Variants in EEFSEC observed in about 807,000 individuals in gnomAD.
EEFSEC encodes the protein eukaryotic elongation factor, selenocysteine-tRNA specific, also known as selenocysteine-specific elongation factor.
In EEFSEC, 43 loss-of-function variants were observed where a neutral mutation model predicts 42.1. The ratio of observed to expected loss-of-function variants is 1.02; its 90% CI spans 0.80 to 1.32. The LOEUF is 1.32. EEFSEC is among the 40% of genes most tolerant of loss of function. The pLI, the probability that EEFSEC is intolerant of heterozygous loss-of-function variation, is 0.00. For missense variants in EEFSEC, 745 were observed against 803.6 expected (o/e 0.93, Z 0.88); for synonymous variants, 354 against 339.1 (o/e 1.04, Z -0.48).
intron 1 of EEFSEC, among the ~76,000 whole-genome samples, chr3:128,166,663 C>T (rs1197975732): frequency 1.3e-5 from 2 of 152,028 alleles, no homozygotes; most frequent in Non-Finnish European, 2.9e-5. Context: ...AGATTCCACC[C>T]TCTCAGCTTC....
intron 1 of EEFSEC, among the ~76,000 whole-genome samples, chr3:128,157,298 C>T (rs1283070992): frequency 6.6e-6 from 1 of 152,182 alleles, no homozygotes; most frequent in East Asian, 1.9e-4. Context: ...ATCTCCAGAA[C>T]ATAAATGTAC....
At chr3:128,177,393 A>ACCACAC (rs2065361450) in intron 1 of EEFSEC, among the ~76,000 whole-genome samples, 1 of 133,866 alleles carries the variant, frequency 7.5e-6, no homozygotes, top group Non-Finnish European at 1.6e-5. Flanking sequence ...AAATAGTGAC[A>ACCACAC]CCACCCCCAC....
At chr3:128,327,977 G>T (rs552594824) in intron 4 of EEFSEC, among the ~76,000 whole-genome samples, 1 of 152,326 alleles carries the variant, frequency 6.6e-6, no homozygotes, top group East Asian at 1.9e-4. Flanking sequence ...CAAAGGCTGA[G>T]GCTTGAACCG....
chr3:128,258,199 C>A (rs1259268587), intron 2 of EEFSEC, among the ~76,000 whole-genome samples: 1 of 152,134 alleles, frequency 6.6e-6, no homozygotes, highest in Admixed American at 6.5e-5. Flanking sequence ...GTTTTGTCAT[C>A]CCCTCTTTGT....
intron 2 of EEFSEC, among the ~76,000 whole-genome samples, chr3:128,247,948 C>T (rs17343355): frequency 0.35 from 52,851 of 152,028 alleles, 11,234 homozygotes; most frequent in Non-Finnish European, 0.47. Context: ...TGAAGCAATT[C>T]GCCTGGATCA....
intron 6 of EEFSEC, among the ~76,000 whole-genome samples, chr3:128,359,664 GA>G (rs1346623592): frequency 6.6e-6 from 1 of 152,200 alleles, no homozygotes; most frequent in African/African-American, 2.4e-5. Context: ...CAAAGTTGAA[GA>G]TTTTACAGGG....
chr3:128,191,539 G>A (rs1290881023), intron 1 of EEFSEC, among the ~76,000 whole-genome samples: 1 of 152,144 alleles, frequency 6.6e-6, no homozygotes, highest in East Asian at 1.9e-4. Flanking sequence ...GATTCACATT[G>A]TTGTGCAACT....
intron 6 of EEFSEC, among the ~76,000 whole-genome samples, chr3:128,366,321 C>T (rs921320028): frequency 1.3e-5 from 2 of 152,232 alleles, no homozygotes; most frequent in South Asian, 2.1e-4. Flanking sequence ...TACAGCCATC[C>T]GGAGGGTAGC....
intron 1 of EEFSEC, among the ~76,000 whole-genome samples, chr3:128,154,538 C>T (rs1359079248): frequency 6.6e-6 from 1 of 152,064 alleles, no homozygotes; most frequent in African/African-American, 2.4e-5. Context: ...CAACTTCCGC[C>T]TCCTGGGTTC....
chr3:128,172,427 A>G (rs1265415191), intron 1 of EEFSEC, among the ~76,000 whole-genome samples: 1 of 152,232 alleles, frequency 6.6e-6, no homozygotes, highest in Non-Finnish European at 1.5e-5. Flanking sequence ...GTCCATAAAT[A>G]AAGCTTCAGG....
intron 1 of EEFSEC, among the ~76,000 whole-genome samples, chr3:128,190,306 A>G (rs1428854003): frequency 1.3e-5 from 2 of 152,254 alleles, no homozygotes; most frequent in Non-Finnish European, 2.9e-5. Context: ...CCAGTGGAAC[A>G]AGATGTATGA....
intron 6 of EEFSEC, among the ~76,000 whole-genome samples, chr3:128,399,646 C>T (rs1304282561): frequency 6.6e-6 from 1 of 152,018 alleles, no homozygotes; most frequent in African/African-American, 2.4e-5. Flanking sequence ...CAGAAGAGCC[C>T]AGCCTGACAA....
intron 5 of EEFSEC, among the ~76,000 whole-genome samples, chr3:128,353,551 G>A (rs1046887031): frequency 3.9e-5 from 6 of 152,238 alleles, no homozygotes; most frequent in African/African-American, 1.4e-4. Context: ...CCACAACTGG[G>A]ACTAGCAGGG....
intron 1 of EEFSEC, among the ~76,000 whole-genome samples, chr3:128,217,438 G>T (rs933220571): frequency 4.6e-5 from 7 of 152,106 alleles, no homozygotes; most frequent in African/African-American, 1.7e-4. Context: ...ACCTTAGGCT[G>T]CCATAGCAGA....
chr3:128,367,528 G>A (rs996495136), intron 6 of EEFSEC: 3 of 607,604 alleles, frequency 4.9e-6, no homozygotes, highest in African/African-American at 2.0e-5. Context: ...CATCGAACCA[G>A]CCACCTGCTG....
the EEFSEC span, among the ~76,000 whole-genome samples, chr3:128,418,634 C>A: frequency 6.6e-6 from 1 of 151,600 alleles, no homozygotes; most frequent in Admixed American, 6.6e-5. Flanking sequence ...CTACTCTGCT[C>A]ACACCCCAAC....
At chr3:128,274,145 C>T (rs1320032292) in intron 4 of EEFSEC, among the ~76,000 whole-genome samples, 4 of 152,198 alleles carry the variant, frequency 2.6e-5, no homozygotes, top group Non-Finnish European at 4.4e-5. Flanking sequence ...CTGCCCTTTC[C>T]AGCTGAGGGG....
intron 1 of EEFSEC, among the ~76,000 whole-genome samples, chr3:128,169,374 G>C (rs899630464): frequency 6.6e-6 from 1 of 152,158 alleles, no homozygotes; most frequent in Non-Finnish European, 1.5e-5. Flanking sequence ...GGTGTTGCAG[G>C]TATATTTGGA....
intron 4 of EEFSEC, among the ~76,000 whole-genome samples, chr3:128,279,291 C>T (rs1018876696): frequency 6.6e-6 from 1 of 152,236 alleles, no homozygotes; most frequent in Non-Finnish European, 1.5e-5. Flanking sequence ...GGCTCCTTCA[C>T]CTCAGCACAT....
Sources: gnomAD v4.1 joint callset for allele counts (sites outside exome capture counted in the v4.1 genomes callset) on GRCh38, gnomAD v4.1.1 for gene constraint, MANE v1.5 for transcripts, NCBI Gene and HGNC (gene_info 2026-07-23, HGNC 2026-07-21) for gene names.